Variants in NPIPB2 observed in about 807,000 individuals in gnomAD.
NPIPB2 encodes nuclear pore complex interacting protein family member B2, also known as nuclear pore complex-interacting protein family member B2.
NPIPB2 carries 27 observed loss-of-function variants against 30.8 expected under a neutral mutation model. The ratio of observed to expected loss-of-function variants is 0.88; its 90% confidence interval spans 0.65 to 1.21. The LOEUF (loss-of-function observed/expected upper bound fraction) is 1.21. Among genes scored for constraint, NPIPB2 ranks in the 50% most tolerant of loss-of-function variants. NPIPB2 has a pLI of 0.00. For missense variants in NPIPB2, 440 were observed against 446.2 expected (o/e 0.99, Z 0.13); for synonymous variants, 147 against 162.0 (o/e 0.91, Z 0.70).
chr16:11,951,412 C>T lies in NPIPB2; in HGVS notation c.-583-9298G>A, dbSNP rs527623168. ...CTGGGAAGCGGAGCTTGCAGTGAGC[C>T]GAGATCATGCCACTGCACTCCAGCC... On this transcript the variant is annotated intron_variant, in intron 1 of 5. Coordinates refer to the NPIPB2 transcript ENST00000538896. Among the ~76,000 whole-genome samples the T allele has an allele frequency of 1.8e-4, 22 of 123,448 alleles. No homozygotes were observed. In the East Asian group the frequency reaches 2.1e-3, roughly 12 times the overall value. The allele number at this position is 123,448 out of a possible 152,430, so 81.0% of individuals were successfully genotyped here.
intron 1 of NPIPB2, among the ~76,000 whole-genome samples, chr16:11,951,822 T>C (rs753927284): frequency 8.5e-4 from 128 of 151,050 alleles, no homozygotes; most frequent in Middle Eastern, 3.4e-3. Context: ...GGTCAGGAGA[T>C]CAAGACCATC....
At chr16:11,942,777 A>AC (rs1356591238), upstream of NPIPB2, among the ~76,000 whole-genome samples, 6 of 151,164 alleles carry the variant, frequency 4.0e-5, no homozygotes, top group African/African-American at 9.7e-5. Flanking sequence ...ACCAGGACAG[A>AC]CCCCCACTGT....
upstream of NPIPB2, among the ~76,000 whole-genome samples, chr16:11,943,652 A>G (rs2054968714): frequency 6.6e-6 from 1 of 151,004 alleles, no homozygotes. Flanking sequence ...CAGTGAGCTG[A>G]GATCGCGCCA....
exon 4 of NPIPB2, chr16:11,933,544 T>A (rs772694192): frequency 6.3e-7 from 1 of 1,597,128 alleles, no homozygotes; most frequent in Non-Finnish European, 8.5e-7. Flanking sequence ...CCTCTTTCCA[T>A]TGATTTTGTC....
chr16:11,948,766 CAAAAAAAAAAAAA>C lies in NPIPB2; in HGVS notation c.-583-6665_-583-6653del, dbSNP rs34639444. ...TGGGTGACAGAGCGAGACTCCGTCT[CAAAAAAAAAAAAA>C]AAAAAAAAAAAAAAGAAAGAAAAGA... On this transcript the variant is annotated intron_variant, in intron 1 of 5. Coordinates refer to the NPIPB2 transcript ENST00000538896. 8.9e-5 allele frequency among the ~76,000 whole-genome samples: 6 copies of C among 67,244 alleles called. 1 individual carries two copies. Among genetic ancestry groups the C allele is most frequent in the African/African-American group, 2.1e-4 (5 of 23,312 alleles). The allele number at this position is 67,244 out of a possible 152,430, so 44.1% of individuals were successfully genotyped here. A position where few individuals can be genotyped will look rare whatever the true frequency, so the allele number is the denominator to read the frequency against.
At chr16:11,974,254 A>G (rs1453846619) in intron 1 of NPIPB2, among the ~76,000 whole-genome samples, 1 of 152,198 alleles carries the variant, frequency 6.6e-6, no homozygotes, top group East Asian at 1.9e-4. Context: ...TTGGTGGCTC[A>G]TGCCTGTAAT....
exon 1 of NPIPB2, chr16:11,942,028 T>C: frequency 7.4e-7 from 1 of 1,355,738 alleles, no homozygotes; most frequent in Non-Finnish European, 1.0e-6. Flanking sequence ...GCCATTCATA[T>C]CCTAAGCAAC....
At chr16:11,968,793 C>G (rs553845105) in intron 1 of NPIPB2, 1 of 152,140 alleles carries the variant, frequency 6.6e-6, no homozygotes, top group Non-Finnish European at 1.5e-5. Context: ...AATCTTCTCA[C>G]TAGAGACCTC....
At chr16:11,962,055 C>G (rs1301427689) in intron 1 of NPIPB2, among the ~76,000 whole-genome samples, 1 of 151,814 alleles carries the variant, frequency 6.6e-6, no homozygotes, top group East Asian at 1.9e-4. Flanking sequence ...CAAAAATTAG[C>G]TGGGCATGGT....
At position 11,952,152 on chromosome 16, in the gene NPIPB2, C is replaced by CAA. The variant is rs374679048; in HGVS notation, c.-583-10040_-583-10039dup. On this transcript the variant is annotated intron_variant, in intron 1 of 5. Transcript: ENST00000538896. Reference sequence around the variant, plus strand: ...TGGGCGACAGAGTGAGACTCTGCCTCAAAAAAAAAAACAAAAACAAAACAA... The same window carrying CAA: ...TGGGCGACAGAGTGAGACTCTGCCTCAAAAAAAAAAAAACAAAAACAAAACAA... Among the ~76,000 whole-genome samples, 213 of 82,292 alleles carry CAA rather than the reference C, an allele frequency of 2.6e-3. 6 individuals are homozygous for CAA. The East Asian group carries it at 0.032, about 12-fold the overall frequency. The allele number at this position is 82,292 out of a possible 152,430, so 54.0% of individuals were successfully genotyped here. A position where few individuals can be genotyped will look rare whatever the true frequency, so the allele number is the denominator to read the frequency against.
chr16:11,957,136 T>C (rs1596503286), intron 1 of NPIPB2, among the ~76,000 whole-genome samples: 1 of 149,280 alleles, frequency 6.7e-6, no homozygotes, highest in Non-Finnish European at 1.5e-5. Flanking sequence ...GGATTACAGG[T>C]ATGTGCCACC....
chr16:11,967,779 G>T (rs1237856370), intron 1 of NPIPB2: 4 of 1,614,202 alleles, frequency 2.5e-6, no homozygotes, highest in Non-Finnish European at 3.4e-6. Context: ...GAAAACGAAT[G>T]ACTATTGCAA....
intron 1 of NPIPB2, among the ~76,000 whole-genome samples, chr16:11,963,510 A>G (rs2055169649): frequency 6.6e-6 from 1 of 152,200 alleles, no homozygotes; most frequent in Non-Finnish European, 1.5e-5. Context: ...TAAGAAAAAT[A>G]CAACAAAAGG....
chr16:11,972,000 G>T (rs1020533920), intron 1 of NPIPB2, among the ~76,000 whole-genome samples: 6 of 151,774 alleles, frequency 4.0e-5, no homozygotes, highest in African/African-American at 1.5e-4. Context: ...CAAAAAATTA[G>T]CCGGGTGTGG....
intron 1 of NPIPB2, among the ~76,000 whole-genome samples, chr16:11,972,547 C>T (rs887650757): frequency 6.6e-6 from 1 of 151,238 alleles, no homozygotes; most frequent in African/African-American, 2.4e-5. Flanking sequence ...TGCACTCCAG[C>T]ATGAGTAACA....
chr16:11,943,509 C>T (rs903827950), upstream of NPIPB2, among the ~76,000 whole-genome samples: 2 of 151,730 alleles, frequency 1.3e-5, no homozygotes, highest in African/African-American at 4.8e-5. Flanking sequence ...CGAGACCAGA[C>T]TGACCAACAT....
At chr16:11,965,039 A>G (rs2055182379) in intron 1 of NPIPB2, 1 of 420,802 alleles carries the variant, frequency 2.4e-6, no homozygotes. Context: ...AATTTCTTCT[A>G]TAAATAAGCA....
chr16:11,967,645 GCCT>G (rs754413067), intron 1 of NPIPB2: 9 of 1,614,172 alleles, frequency 5.6e-6, no homozygotes, highest in Non-Finnish European at 6.8e-6. Flanking sequence ...CTTCCGAGAG[GCCT>G]CGAGTACACG....
intron 2 of NPIPB2, among the ~76,000 whole-genome samples, chr16:11,934,346 G>A (rs997284576): frequency 2.0e-5 from 3 of 150,974 alleles, no homozygotes; most frequent in African/African-American, 7.3e-5. Flanking sequence ...CTGAGGTCGG[G>A]AGTTTGAGAC....
Sources: gnomAD v4.1 joint callset for allele counts (sites outside exome capture counted in the v4.1 genomes callset) on GRCh38, gnomAD v4.1.1 for gene constraint, MANE v1.5 for transcripts, NCBI Gene and HGNC (gene_info 2026-07-23, HGNC 2026-07-21) for gene names.